The following EXOC2 variants were observed in gnomAD, a reference collection of about 807,000 sequenced individuals.
EXOC2 encodes SEC5-like 1.
EXOC2 carries 70 observed loss-of-function variants against 131.8 expected under a neutral mutation model. That is an observed-to-expected ratio of 0.53 (90% CI 0.44 to 0.65). The LOEUF is 0.65. Among genes scored for constraint, EXOC2 ranks in the 30% least tolerant of loss-of-function variants. The pLI is 0.00. For synonymous variants in EXOC2, 411 were observed against 398.4 expected (o/e 1.03, Z -0.38); for missense variants, 923 against 1,108.6 (o/e 0.83, Z 2.38).
At chr6:627,652 G>A (rs930208428) in intron 4 of EXOC2, among the ~76,000 whole-genome samples, 6 of 151,456 alleles carry the variant, frequency 4.0e-5, no homozygotes, top group Non-Finnish European at 7.4e-5. Context: ...TGCATCTTTC[G>A]GCATTTCTCA....
In EXOC2 at chr6:667,860, C is replaced by CCCATCCATCCAT. The variant is rs200385451; in HGVS notation, c.-44+25147_-44+25158dup. 3.5e-4 allele frequency among the ~76,000 whole-genome samples: 40 copies of CCCATCCATCCAT among 114,104 alleles called. 2 individuals are homozygous for CCCATCCATCCAT. In the South Asian group the frequency reaches 4.9e-3, roughly 14 times the overall value. 74.9% of individuals were successfully genotyped at this position (114,104 alleles called of 152,430 possible). A position where few individuals can be genotyped will look rare whatever the true frequency, so the allele number is the denominator to read the frequency against. ...AGCCAGTTCCCCTAATAAATCCCCT[C>CCCATCCATCCAT]CCATCCATCCATCCATCCATCCATC... On this transcript the variant is annotated intron_variant, in intron 1 of 27. Coordinates refer to ENST00000230449, the MANE Select transcript of EXOC2 (RefSeq NM_018303.6).
At chr6:557,011 A>C (rs1048399720) in intron 17 of EXOC2, among the ~76,000 whole-genome samples, 1 of 152,224 alleles carries the variant, frequency 6.6e-6, no homozygotes, top group Admixed American at 6.5e-5. Context: ...GAGGATGTAC[A>C]GGATCTTTAT....
chr6:619,387 C>T (rs1355557069), intron 5 of EXOC2, 43 bp downstream of exon 5: 2 of 1,474,762 alleles, frequency 1.4e-6, no homozygotes, highest in Non-Finnish European at 1.9e-6. Context: ...TCTTTAGCAT[C>T]TGAGTGAAAC....
At chr6:656,405 C>T in intron 1 of EXOC2, 1 of 1,614,156 alleles carries the variant, frequency 6.2e-7, no homozygotes, top group Non-Finnish European at 8.5e-7. Flanking sequence ...TTGCTTCCAC[C>T]AGCACGTGAC....
intron 23 of EXOC2, among the ~76,000 whole-genome samples, chr6:500,112 ACACT>A (rs1246501937): frequency 3.3e-5 from 5 of 152,304 alleles, no homozygotes; most frequent in South Asian, 2.1e-4. Flanking sequence ...ACACACACAC[ACACT>A]CAGTATAAGC....
chr6:661,438 G>A (rs902094371), intron 1 of EXOC2, among the ~76,000 whole-genome samples: 6 of 152,192 alleles, frequency 3.9e-5, no homozygotes, highest in African/African-American at 1.4e-4. Context: ...CAGATTAACA[G>A]CAGATTTCTC....
chr6:676,290 AGACT>A (rs1764127733), intron 1 of EXOC2, among the ~76,000 whole-genome samples: 1 of 90,962 alleles, frequency 1.1e-5, no homozygotes, highest in African/African-American at 3.8e-5. Flanking sequence ...GTTCCTCTGG[AGACT>A]CTGCGGTTCC....
At chr6:565,128 T>C (rs1370279276) in intron 13 of EXOC2, among the ~76,000 whole-genome samples, 199 bp from the exon 14 acceptor site, 2 of 152,208 alleles carry the variant, frequency 1.3e-5, no homozygotes, top group African/African-American at 4.8e-5. Flanking sequence ...TTATTTATCT[T>C]TCTAAAACCT....
intron 22 of EXOC2, among the ~76,000 whole-genome samples, chr6:542,625 T>C (rs550375739): frequency 1.3e-5 from 2 of 152,302 alleles, no homozygotes; most frequent in South Asian, 4.1e-4. Flanking sequence ...ACTTAAGAAA[T>C]TGGACCAGTC....
At chr6:491,587 G>A (rs973800356) in intron 25 of EXOC2, among the ~76,000 whole-genome samples, 2 of 152,244 alleles carry the variant, frequency 1.3e-5, no homozygotes, top group African/African-American at 2.4e-5. Context: ...GATGTGGCTT[G>A]GCATGCTTCC....
At chr6:561,474 A>T (rs1250978303) in intron 17 of EXOC2, among the ~76,000 whole-genome samples, 1 of 152,240 alleles carries the variant, frequency 6.6e-6, no homozygotes, top group Non-Finnish European at 1.5e-5. Context: ...GTGCAGGATC[A>T]TTGTTTCCTG....
At chr6:530,399 C>T (rs1350443266) in intron 23 of EXOC2, among the ~76,000 whole-genome samples, 5 of 152,220 alleles carry the variant, frequency 3.3e-5, no homozygotes, top group Non-Finnish European at 7.3e-5. Flanking sequence ...GAGAACAAGA[C>T]ACCCAAATGA....
chr6:637,737 C>T lies in EXOC2; in HGVS notation c.82G>A (p.Gly28Arg), dbSNP rs1306798587. 2 of 1,613,606 alleles carry T rather than the reference C, an allele frequency of 1.2e-6. No individual in the cohort carries two copies. The highest frequency in any genetic ancestry group is 1.7e-6 in the Non-Finnish European group (2 of 1,179,832). ...GIPWTKVTIR[G>R]ENLGTGPTDL... ...GTGGGGCCAGTCCCCAGATTTTCTC[C>T]CCTGATTGTGACCTTCGTCCATGGT... The change falls in exon 2 of 28, where the codon GGA becomes AGA. Residue 28 changes from glycine to arginine, a missense_variant. Physicochemically the swap from Gly to Arg is moderately radical, Grantham distance 125 (BLOSUM62 -2). Coordinates refer to ENST00000230449, the MANE Select transcript of EXOC2 (RefSeq NM_018303.6).
intron 25 of EXOC2, among the ~76,000 whole-genome samples, chr6:495,963 G>C (rs903553429): frequency 6.6e-6 from 1 of 151,964 alleles, no homozygotes; most frequent in Non-Finnish European, 1.5e-5. Flanking sequence ...CAAGTTAACT[G>C]ACTTTTTAAA....
intron 13 of EXOC2, among the ~76,000 whole-genome samples, chr6:568,576 T>C (rs1417860215): frequency 4.6e-5 from 7 of 152,184 alleles, no homozygotes; most frequent in African/African-American, 1.4e-4. Flanking sequence ...CACATCCTAT[T>C]GGTTCTATTG....
intron 1 of EXOC2, among the ~76,000 whole-genome samples, chr6:680,678 T>C (rs1890361): frequency 0.56 from 84,406 of 151,998 alleles, 24,482 homozygotes; most frequent in East Asian, 0.79. Context: ...CTCTGAGTTA[T>C]ATGCATTTTT....
intron 12 of EXOC2, 62 bp from the exon 13 acceptor site, chr6:572,706 C>G: frequency 6.4e-7 from 1 of 1,568,620 alleles, no homozygotes; most frequent in Non-Finnish European, 8.6e-7. Context: ...CACCTTTGAG[C>G]ATATTGGCGC....
intron 23 of EXOC2, among the ~76,000 whole-genome samples, chr6:514,845 C>T (rs563246169): frequency 2.0e-4 from 30 of 152,208 alleles, no homozygotes; most frequent in East Asian, 1.5e-3. Flanking sequence ...GGGAGGAGGG[C>T]GGAGTCGGAG....
rs961068168 is a variant in EXOC2 at position 567,297 on chromosome 6, G to C, written c.1444-2368C>G. On this transcript the variant is annotated intron_variant, in intron 13 of 27. Transcript: ENST00000230449. ...TGGTGCTGCAGGCGTCCTTCTCGCT[G>C]CCTGGGGCCTGCTTCCCCCCATCCT... 5.5e-4 allele frequency among the ~76,000 whole-genome samples: 83 copies of C among 152,214 alleles called. 1 individual carries two copies. The highest frequency in any genetic ancestry group is 2.0e-3 in the African/African-American group (82 of 41,534).
Sources: allele counts gnomAD v4.1 joint callset (sites outside exome capture counted in the v4.1 genomes callset), GRCh38; gene constraint gnomAD v4.1.1; transcripts MANE v1.5; gene names NCBI Gene and HGNC (gene_info 2026-07-23, HGNC 2026-07-21).